OVGP1: variants seen among roughly 807,000 people sequenced by gnomAD.
The protein encoded by OVGP1 is oviductal glycoprotein 1, also known as oviduct-specific glycoprotein.
Under a neutral mutation model 48.2 loss-of-function variants are expected in OVGP1, and 26 were observed. That is an observed-to-expected ratio of 0.54 (90% CI 0.40 to 0.75). The LOEUF (loss-of-function observed/expected upper bound fraction) is 0.75, where lower values mean the gene tolerates loss of function less well. Among genes scored for constraint, OVGP1 ranks in the 30% least tolerant of loss-of-function variants. OVGP1 has a pLI of 0.00. For synonymous variants in OVGP1, 294 were observed against 305.7 expected, an observed-to-expected ratio of 0.96 and a Z score of 0.40; for missense variants, 791 against 820.6, an observed-to-expected ratio of 0.96 and a Z score of 0.44.
chr1:111,415,037 GGTCATGGACTGATGACCCACAGAA>G lies in OVGP1; in HGVS notation c.1440_1463del (p.Ser481_Thr488del). 1.9e-6 allele frequency: 3 copies of G among 1,613,780 alleles called. No individual in the cohort carries two copies. Among genetic ancestry groups the G allele is most frequent in the Non-Finnish European group, 2.5e-6 (3 of 1,179,732 alleles). ...CAGGGGTCAGGGCCTTCTCTCCAGGGGTCATGGACTGATGACCCACAGAAGTCATGGTCATTGCCCCAGTGATCT... is the reference window on the plus strand; with the variant it reads ...CAGGGGTCAGGGCCTTCTCTCCAGGGGTCATGGTCATTGCCCCAGTGATCT... On this transcript the variant is annotated inframe_deletion, in exon 11 of 11. Coordinates refer to ENST00000369732, the MANE Select transcript of OVGP1 (RefSeq NM_002557.4).
intron 9 of OVGP1, among the ~76,000 whole-genome samples, chr1:111,416,872 TG>T (rs1310847651): frequency 1.1e-4 from 17 of 152,170 alleles, no homozygotes; most frequent in African/African-American, 4.1e-4. Context: ...AATAGAATGG[TG>T]GTTGCCAGGG....
chr1:111,419,744 A>G lies in OVGP1; in HGVS notation c.904-18T>C, dbSNP rs912782619. ...GAACAAATCTGCCAAGAGGACCACC[A>G]GGTTAGTTCTGGGAAGTGCCATGGA... On this transcript the variant is annotated intron_variant, in intron 8 of 10. Coordinates refer to ENST00000369732, the MANE Select transcript of OVGP1 (RefSeq NM_002557.4). The G allele has an allele frequency of 2.7e-6, 4 of 1,506,258 alleles. No individual in the cohort carries two copies. The African/African-American group carries it at 4.1e-5, about 15-fold the overall frequency. The allele number at this position is 1,506,258 out of a possible 1,614,324, so 93.3% of individuals were successfully genotyped here. A position where few individuals can be genotyped will look rare whatever the true frequency, so the allele number is the denominator to read the frequency against.
intron 8 of OVGP1, among the ~76,000 whole-genome samples, chr1:111,420,752 A>G (rs1652248058): frequency 6.6e-6 from 1 of 152,112 alleles, no homozygotes; most frequent in Non-Finnish European, 1.5e-5. Flanking sequence ...AAGAGGGTAG[A>G]GCTGGAGTGG....
At chr1:111,416,582 A>C in intron 9 of OVGP1, 124 bp from the exon 10 acceptor site, 2 of 742,116 alleles carry the variant, frequency 2.7e-6, no homozygotes, top group Non-Finnish European at 4.1e-6. Context: ...TGTAGCCAGC[A>C]TTTGAATCTA....
intron 7 of OVGP1, 21 bp downstream of exon 7, chr1:111,421,544 T>C: frequency 6.2e-7 from 1 of 1,605,602 alleles, no homozygotes; most frequent in Non-Finnish European, 8.5e-7. Flanking sequence ...CTGGACCACC[T>C]GAGATCTTTC....
chr1:111,416,035 T>C (rs942063631), intron 10 of OVGP1, among the ~76,000 whole-genome samples: 4 of 152,180 alleles, frequency 2.6e-5, no homozygotes, highest in Non-Finnish European at 1.5e-5. Flanking sequence ...ATAACATATA[T>C]TGAGTGCTAA....
chr1:111,423,433 G>T, intron 5 of OVGP1, 110 bp downstream of exon 5: 1 of 1,173,688 alleles, frequency 8.5e-7, no homozygotes, highest in Non-Finnish European at 1.2e-6. Flanking sequence ...AGAACATTCT[G>T]TCACCCTCTT....
intron 4 of OVGP1, 69 bp from the exon 5 acceptor site, chr1:111,423,777 G>A: frequency 6.7e-7 from 1 of 1,498,850 alleles, no homozygotes; most frequent in Non-Finnish European, 9.1e-7. Context: ...AAGGCCCCTT[G>A]CAAGCTTGGT....
intron 2 of OVGP1, 90 bp from the exon 3 acceptor site, chr1:111,426,731 G>A: frequency 6.4e-7 from 1 of 1,554,600 alleles, no homozygotes; most frequent in Non-Finnish European, 8.7e-7. Context: ...CAGCCCAAGA[G>A]ACCAGGCCAC....
At chr1:111,426,852 C>T (rs868746338) in intron 2 of OVGP1, 3 of 1,548,378 alleles carry the variant, frequency 1.9e-6, no homozygotes, top group African/African-American at 1.4e-5. Context: ...TTGTGAAATC[C>T]TGGTCAGAAC....
At chr1:111,424,282 TTTTG>T (rs1173626633) in intron 4 of OVGP1, among the ~76,000 whole-genome samples, 1 of 152,354 alleles carries the variant, frequency 6.6e-6, no homozygotes, top group East Asian at 1.9e-4. Flanking sequence ...TTTGTTCGTT[TTTTG>T]TTTGATATTT....
Position 111,415,050 on chromosome 1 carries a change from T to C in OVGP1, c.1451A>G (p.His484Arg). 1 of 1,614,010 alleles carries C rather than the reference T, an allele frequency of 6.2e-7. No homozygotes were observed. The highest frequency in any genetic ancestry group is 1.7e-5 in the Admixed American group (1 of 60,022). Residue 484 changes from histidine to arginine, a missense_variant, in exon 11 of 11, where the codon CAT becomes CGT. Coordinates refer to ENST00000369732, the MANE Select transcript of OVGP1 (RefSeq NM_002557.4). ...CTTCTCTCCAGGGGTCATGGACTGA[T>C]GACCCACAGAAGTCATGGTCATTGC... ...TGAMTMTSVG[H>R]QSMTPGEKAL...
chr1:111,425,326 C>A, intron 4 of OVGP1, 57 bp downstream of exon 4: 1 of 1,606,114 alleles, frequency 6.2e-7, no homozygotes, highest in East Asian at 2.2e-5. Flanking sequence ...TCTGTCTTCA[C>A]GTCTAACCAG....
In OVGP1 at chr1:111,421,301, T is replaced by G; in HGVS notation, c.878A>C (p.Gln293Pro). Residue 293 changes from glutamine (Q) to proline (P), a missense_variant, in exon 8 of 11, where the codon CAA becomes CCA. Coordinates refer to ENST00000369732, the MANE Select transcript of OVGP1 (RefSeq NM_002557.4). ...CTCAAAATAAGCCAAGAAGCCTTCT[T>G]GCTTGGTGTACTTCCCTGGAGATGC... ...GPASPGKYTK[Q>P]EGFLAYFEIC... 6.2e-7 allele frequency: 1 copy of G among 1,610,360 alleles called. No homozygotes were observed. Among genetic ancestry groups the G allele is most frequent in the Non-Finnish European group, 8.5e-7 (1 of 1,178,688 alleles).
Position 111,415,237 on chromosome 1 carries a change from T to C in OVGP1, c.1264A>G (p.Lys422Glu). ...GCCTCTCCTCCTGGGGGCAAAATCT[T>C]ACTATCAGTGGTCCATGCCGTGGTC... The part of the protein sequence containing the change: ...AVTTAWTTDS[K>E]ILPPGGEAGV... The change falls in exon 11 of 11, where the codon AAG becomes GAG. Residue 422 changes from lysine to glutamate, a missense_variant. Transcript: ENST00000369732. 6 of 1,614,192 alleles carry C rather than the reference T, an allele frequency of 3.7e-6. 1 individual carries two copies. The Middle Eastern group carries it at 9.9e-4, about 266-fold the overall frequency.
intron 4 of OVGP1, among the ~76,000 whole-genome samples, chr1:111,424,961 T>C (rs1652360857): frequency 6.6e-6 from 1 of 152,154 alleles, no homozygotes; most frequent in Non-Finnish European, 1.5e-5. Context: ...AGCTTAGCAT[T>C]TTGTTATTTC....
rs766447715 is a variant in OVGP1 at position 111,425,406 on chromosome 1, G to A, written c.294C>T (p.Gly98=). 2.5e-5 allele frequency: 40 copies of A among 1,613,894 alleles called. No individual in the cohort carries two copies. Among genetic ancestry groups the A allele is most frequent in the East Asian group, 8.9e-5 (4 of 44,878 alleles). Residue 98 remains glycine (G), a synonymous_variant, in exon 4 of 11, where the codon GGC becomes GGT. Transcript: ENST00000369732. ...NRELKTLLSI[G]GWNFGTSRFT... is the part of the protein sequence containing the mutation. Reference sequence around the variant, plus strand: ...ACCTTGAGGTGCCAAAGTTCCACCCGCCGATGGACAGTAGTGTTTTCAGCT... The same window carrying A: ...ACCTTGAGGTGCCAAAGTTCCACCCACCGATGGACAGTAGTGTTTTCAGCT...
chr1:111,418,773 T>A (rs1045367886), intron 9 of OVGP1, among the ~76,000 whole-genome samples: 6 of 152,188 alleles, frequency 3.9e-5, no homozygotes, highest in African/African-American at 1.4e-4. Flanking sequence ...TATGGAGGCA[T>A]TCTAAAATAG....
At chr1:111,423,756 CA>C in intron 4 of OVGP1, 48 bp from the exon 5 acceptor site, 1 of 1,571,098 alleles carries the variant, frequency 6.4e-7, no homozygotes, top group Non-Finnish European at 8.7e-7. Flanking sequence ...CACAGAATCA[CA>C]ACCTCCTACA....
Sources: gnomAD v4.1 joint callset for allele counts (sites outside exome capture counted in the v4.1 genomes callset) on GRCh38, gnomAD v4.1.1 for gene constraint, MANE v1.5 for transcripts, NCBI Gene and HGNC (gene_info 2026-07-23, HGNC 2026-07-21) for gene names.